The following SLIT2 variants were observed in gnomAD, a reference collection of about 807,000 sequenced individuals.
SLIT2 encodes slit guidance ligand 2.
In SLIT2, 41 loss-of-function variants were observed where a neutral mutation model predicts 185.7. The observed-to-expected ratio is 0.22, with a 90% CI of 0.17 to 0.29. The LOEUF is 0.29. SLIT2 is among the 10% of genes least tolerant of loss of function. The pLI, the probability that SLIT2 is intolerant of heterozygous loss-of-function variation, is 1.00. For missense variants in SLIT2, 1,571 were observed against 1,909.0 expected, an observed-to-expected ratio of 0.82 and a Z score of 3.30; for synonymous variants, 693 against 680.2, an observed-to-expected ratio of 1.02 and a Z score of -0.29.
chr4:20,268,527 ATCCTT>A, intron 3 of SLIT2, among the ~76,000 whole-genome samples: 1 of 151,790 alleles, frequency 6.6e-6, no homozygotes, highest in Non-Finnish European at 1.5e-5. Context: ...AATCACAAAA[ATCCTT>A]TATCATTGTG....
chr4:20,542,520 C>T lies in SLIT2; in HGVS notation c.2170C>T (p.Leu724Phe). The T allele has an allele frequency of 1.9e-6, 3 of 1,613,708 alleles. No individual in the cohort carries two copies. The highest frequency in any genetic ancestry group is 2.5e-6 in the Non-Finnish European group (3 of 1,179,728). The change falls in exon 21 of 37, where the codon CTT (leucine) becomes TTT (phenylalanine). Residue 724 changes from leucine to phenylalanine, a missense_variant. Leu to Phe is a conservative substitution (Grantham distance 22). Around this residue, in one of 3 missense-constraint regions of SLIT2, gnomAD observed 1,202 missense variants for 1,416.4 expected, o/e 0.85. Coordinates refer to ENST00000504154, the MANE Select transcript of SLIT2 (RefSeq NM_004787.4). ...DGNDDNSCSP[L>F]SRCPTECTCL... ...AAATGATGACAATAGTTGCTCCCCA[C>T]TTTCTCGCTGTCCTACTGAATGTAC...
intron 4 of SLIT2, among the ~76,000 whole-genome samples, chr4:20,372,630 A>G (rs895004004): frequency 1.3e-5 from 2 of 151,952 alleles, no homozygotes; most frequent in Non-Finnish European, 2.9e-5. Context: ...TTCCATTTTT[A>G]TGATCTTTGT....
chr4:20,567,417 T>C, intron 27 of SLIT2, 31 bp downstream of exon 27: 2 of 1,612,946 alleles, frequency 1.2e-6, no homozygotes, highest in East Asian at 4.5e-5. Flanking sequence ...AGTCACAGTT[T>C]GAGAGCATAA....
intron 3 of SLIT2, among the ~76,000 whole-genome samples, chr4:20,259,029 A>G (rs911528264): frequency 1.2e-4 from 18 of 151,668 alleles, no homozygotes; most frequent in Non-Finnish European, 2.5e-4. Context: ...TATCACCTCA[A>G]GTAAAACACA....
intron 18 of SLIT2, 146 bp downstream of exon 18, chr4:20,533,861 C>A (rs564155641): frequency 1.5e-6 from 1 of 679,808 alleles, no homozygotes. Flanking sequence ...CACATACACA[C>A]CGCTACACAC....
chr4:20,582,776 G>A (rs771867320), intron 29 of SLIT2, among the ~76,000 whole-genome samples: 3 of 152,082 alleles, frequency 2.0e-5, no homozygotes, highest in Non-Finnish European at 4.4e-5. Flanking sequence ...AGTTTCTCTT[G>A]GGCTTGTCCA....
intron 4 of SLIT2, among the ~76,000 whole-genome samples, chr4:20,466,613 TTCTC>T (rs1268803826): frequency 6.6e-6 from 1 of 151,726 alleles, no homozygotes. Flanking sequence ...TATCTGCCGG[TTCTC>T]TCTCTCTCTG....
chr4:20,512,346 G>A (rs752504032), intron 11 of SLIT2, among the ~76,000 whole-genome samples: 8 of 152,156 alleles, frequency 5.3e-5, no homozygotes, highest in Non-Finnish European at 8.8e-5. Flanking sequence ...GAGTGTTCCA[G>A]TTGCTATGTT....
intron 34 of SLIT2, among the ~76,000 whole-genome samples, chr4:20,614,673 A>G (rs1020254410): frequency 6.6e-6 from 1 of 151,394 alleles, no homozygotes; most frequent in Non-Finnish European, 1.5e-5. Flanking sequence ...GCTTCTCGGG[A>G]GGCTGAAGCA....
At chr4:20,537,613 A>G (rs34048537) in intron 18 of SLIT2, among the ~76,000 whole-genome samples, 44,434 of 152,026 alleles carry the variant, frequency 0.29, 6,767 homozygotes, top group Middle Eastern at 0.42. Context: ...AAGTGCTTAC[A>G]TTTTAGCACC....
chr4:20,299,150 T>A (rs989735168), intron 4 of SLIT2, among the ~76,000 whole-genome samples: 1 of 152,216 alleles, frequency 6.6e-6, no homozygotes, highest in Non-Finnish European at 1.5e-5. Flanking sequence ...CCTGTATGAT[T>A]TTCTTTGCTC....
chr4:20,473,321 A>G (rs1372421198), intron 5 of SLIT2, among the ~76,000 whole-genome samples: 1 of 151,988 alleles, frequency 6.6e-6, no homozygotes, highest in Non-Finnish European at 1.5e-5. Flanking sequence ...TGGGGAAAAT[A>G]TTTGTATTTA....
intron 4 of SLIT2, among the ~76,000 whole-genome samples, chr4:20,368,219 C>CAAAAAAAAAAAAAAAGAAAA (rs1723279346): frequency 3.7e-5 from 4 of 107,414 alleles, no homozygotes; most frequent in Non-Finnish European, 5.6e-5. Context: ...CACAAAATAG[C>CAAAAAAAAAAAAAAAGAAAA]AAAAAAAAAA....
intron 4 of SLIT2, among the ~76,000 whole-genome samples, chr4:20,349,493 A>G (rs1721694856): frequency 1.3e-5 from 2 of 152,114 alleles, no homozygotes; most frequent in South Asian, 4.1e-4. Context: ...TAAAGCCCAG[A>G]TTTATAAAGA....
At chr4:20,425,138 G>A (rs139337117) in intron 4 of SLIT2, among the ~76,000 whole-genome samples, 1 of 152,130 alleles carries the variant, frequency 6.6e-6, no homozygotes, top group South Asian at 2.1e-4. Flanking sequence ...TTTCTGGATT[G>A]TTTTTGACCT....
intron 29 of SLIT2, among the ~76,000 whole-genome samples, chr4:20,585,389 G>C (rs1242393730): frequency 6.6e-6 from 1 of 152,210 alleles, no homozygotes; most frequent in African/African-American, 2.4e-5. Flanking sequence ...CTGATCAAAA[G>C]TGAAATCACA....
chr4:20,550,230 T>A (rs1010033373), intron 24 of SLIT2, among the ~76,000 whole-genome samples: 4 of 152,124 alleles, frequency 2.6e-5, no homozygotes, highest in Non-Finnish European at 5.9e-5. Context: ...TTGAATATAT[T>A]TTATTTGTTT....
At chr4:20,595,638 C>T in intron 30 of SLIT2, 59 bp from the exon 31 acceptor site, 3 of 1,596,448 alleles carry the variant, frequency 1.9e-6, no homozygotes, top group South Asian at 2.2e-5. Context: ...AGATAAAATG[C>T]ATTGTTTACT....
intron 4 of SLIT2, among the ~76,000 whole-genome samples, chr4:20,401,255 G>C (rs1356035638): frequency 6.6e-6 from 1 of 151,836 alleles, no homozygotes; most frequent in African/African-American, 2.4e-5. Flanking sequence ...AAAGAACGTT[G>C]TCTCTCCATT....
Sources: gnomAD v4.1 joint callset for allele counts (sites outside exome capture counted in the v4.1 genomes callset) on GRCh38, gnomAD v4.1.1 for gene constraint, gnomAD v4.1.1 regional missense constraint, MANE v1.5 for transcripts, NCBI Gene and HGNC (gene_info 2026-07-23, HGNC 2026-07-21) for gene names.